ANO3: variants seen among roughly 807,000 people sequenced by gnomAD.
ANO3 encodes the protein anoctamin-3.
A neutral mutation model predicts 144.8 loss-of-function variants in ANO3; 99 were observed. That is an observed-to-expected ratio of 0.68 (90% CI 0.58 to 0.81). The LOEUF is 0.81. Ranked by LOEUF, ANO3 falls within the 30% of genes least tolerant of loss-of-function variation. ANO3 has a pLI of 0.00. For missense variants in ANO3, 905 were observed against 1,202.2 expected (o/e 0.75, Z 3.66); for synonymous variants, 414 against 392.6 (o/e 1.05, Z -0.64).
chr11:26,607,605 G>T lies in ANO3; in HGVS notation c.1836+7891G>T, dbSNP rs1203836939. Among the ~76,000 whole-genome samples the T allele has an allele frequency of 3.3e-5, 5 of 152,066 alleles. No homozygotes were observed. The East Asian group carries it at 9.6e-4, about 29-fold the overall frequency. ...GACATCCTTTCTAATATTGCCAGTG[G>T]GGTGTTAAGGCCTCCTACTATTATT... On this transcript the variant is annotated intron_variant, in intron 17 of 26. Transcript: ENST00000256737.
At chr11:26,537,854 C>T (rs1206149177) in intron 10 of ANO3, among the ~76,000 whole-genome samples, 1 of 152,178 alleles carries the variant, frequency 6.6e-6, no homozygotes, top group Non-Finnish European at 1.5e-5. Context: ...TAGCCAATTA[C>T]CTCCTCAATT....
intron 6 of ANO3, among the ~76,000 whole-genome samples, chr11:26,522,224 ACATT>A (rs1437369475): frequency 1.4e-4 from 21 of 151,732 alleles, no homozygotes; most frequent in Non-Finnish European, 2.2e-4. Flanking sequence ...CAAAAAAAAA[ACATT>A]AAGAGCAATC....
At chr11:26,237,129 C>T (rs149462202) in intron 1 of ANO3, among the ~76,000 whole-genome samples, 22 of 151,954 alleles carry the variant, frequency 1.4e-4, no homozygotes, top group Non-Finnish European at 2.6e-4. Context: ...GGAGTATTGT[C>T]AATGTTCTTA....
chr11:26,306,557 G>C (rs1443411654), upstream of ANO3, among the ~76,000 whole-genome samples: 1 of 152,056 alleles, frequency 6.6e-6, no homozygotes, highest in Non-Finnish European at 1.5e-5. Context: ...CCAGCTACTT[G>C]GGAGGCTGAG....
intron 14 of ANO3, among the ~76,000 whole-genome samples, chr11:26,579,830 G>A (rs1167119463): frequency 6.6e-6 from 1 of 152,050 alleles, no homozygotes; most frequent in African/African-American, 2.4e-5. Flanking sequence ...GGGCAGAGTC[G>A]AGTTCACTTT....
chr11:26,527,337 A>T (rs528466021), intron 7 of ANO3, among the ~76,000 whole-genome samples: 44 of 152,280 alleles, frequency 2.9e-4, no homozygotes, highest in African/African-American at 1.1e-3. Flanking sequence ...ATGAAAATTC[A>T]GTTATCATTT....
In ANO3 at chr11:26,256,763, T is replaced by C. The variant is rs556532654; in HGVS notation, c.155-52882T>C. On this transcript the variant is annotated intron_variant, in intron 1 of 27. Transcript: ENST00000672621. The stretch of plus-strand genomic sequence containing the variant: ...TTTCTGCCCCCTTTTTCTAAACTTC[T>C]ACTTTTACAGGGTAAATTTAAAATA... Among the ~76,000 whole-genome samples the C allele has an allele frequency of 7.2e-5, 11 of 152,282 alleles. No individual in the cohort carries two copies. In the South Asian group the frequency reaches 2.3e-3, roughly 32 times the overall value.
rs865914277 is a variant in ANO3, at chr11:26,613,695, G to A, written c.1837-10767G>A. Among the ~76,000 whole-genome samples the A allele has an allele frequency of 1.8e-4, 28 of 152,338 alleles. 1 individual carries two copies. Among genetic ancestry groups the A allele is most frequent in the Middle Eastern group, 3.4e-3 (1 of 294 alleles). ...CCAGAGGAGCTTTGGCTTTGGTTCTGAGTGGAGTCTCTAGTGTGATCTTCA... is the reference window on the plus strand; with the variant it reads ...CCAGAGGAGCTTTGGCTTTGGTTCTAAGTGGAGTCTCTAGTGTGATCTTCA... On this transcript the variant is annotated intron_variant, in intron 17 of 26. Transcript: ENST00000256737.
intron 1 of ANO3, among the ~76,000 whole-genome samples, chr11:26,295,267 C>A (rs989383758): frequency 6.6e-6 from 1 of 151,966 alleles, no homozygotes; most frequent in Non-Finnish European, 1.5e-5. Flanking sequence ...ATAATAAGGT[C>A]TTTGTTTTCC....
At chr11:26,547,787 A>C (rs1458234147) in intron 12 of ANO3, among the ~76,000 whole-genome samples, 1 of 151,992 alleles carries the variant, frequency 6.6e-6, no homozygotes, top group Non-Finnish European at 1.5e-5. Context: ...TTTATGTAAA[A>C]TTCCTCTTTC....
intron 12 of ANO3, among the ~76,000 whole-genome samples, chr11:26,552,112 T>G (rs1278225751): frequency 3.3e-5 from 5 of 152,028 alleles, no homozygotes; most frequent in Non-Finnish European, 7.4e-5. Flanking sequence ...AATTGAACAT[T>G]GTTTTTCTCT....
chr11:26,543,916 CAT>C (rs758625996), intron 11 of ANO3, among the ~76,000 whole-genome samples: 2 of 151,944 alleles, frequency 1.3e-5, no homozygotes, highest in Non-Finnish European at 2.9e-5. Flanking sequence ...TCACAATAAA[CAT>C]ACGCTTTTAA....
chr11:26,587,937 CAAAAAAAAAA>C (rs60752903), intron 14 of ANO3, among the ~76,000 whole-genome samples: 3 of 116,374 alleles, frequency 2.6e-5, no homozygotes, highest in African/African-American at 1.0e-4. Flanking sequence ...AACTCTGTCT[CAAAAAAAAAA>C]AAAAAAAAAA....
At chr11:26,622,276 A>T (rs2133001659) in intron 17 of ANO3, among the ~76,000 whole-genome samples, 1 of 152,158 alleles carries the variant, frequency 6.6e-6, no homozygotes, top group African/African-American at 2.4e-5. Flanking sequence ...TGCCATCCTA[A>T]GTTTGCAGAG....
chr11:26,551,671 A>G (rs191356705), intron 12 of ANO3, among the ~76,000 whole-genome samples: 1 of 152,046 alleles, frequency 6.6e-6, no homozygotes, highest in African/African-American at 2.4e-5. Context: ...CTAAAGCAGG[A>G]CAAATTGTAT....
At chr11:26,551,672 C>A (rs575236042) in intron 12 of ANO3, among the ~76,000 whole-genome samples, 13 of 152,000 alleles carry the variant, frequency 8.6e-5, no homozygotes, top group Admixed American at 2.6e-4. Context: ...TAAAGCAGGA[C>A]AAATTGTATC....
intron 17 of ANO3, among the ~76,000 whole-genome samples, chr11:26,624,147 G>A (rs1354287741): frequency 6.6e-6 from 1 of 152,150 alleles, no homozygotes; most frequent in East Asian, 1.9e-4. Context: ...ATGACTTTTA[G>A]GGACTTTTTC....
At chr11:26,215,701 C>T (rs1281778511) in intron 1 of ANO3, among the ~76,000 whole-genome samples, 3 of 136,876 alleles carry the variant, frequency 2.2e-5, no homozygotes, top group Non-Finnish European at 5.1e-5. Context: ...TGAATAATAA[C>T]CTGTATATAT....
intron 17 of ANO3, among the ~76,000 whole-genome samples, chr11:26,603,594 GT>G (rs973854650): frequency 6.6e-6 from 1 of 152,032 alleles, no homozygotes; most frequent in Non-Finnish European, 1.5e-5. Context: ...CTCTTTGAAT[GT>G]TATTTAAGAA....
Sources: allele counts gnomAD v4.1 joint callset (sites outside exome capture counted in the v4.1 genomes callset), GRCh38; gene constraint gnomAD v4.1.1; transcripts MANE v1.5; gene names NCBI Gene and HGNC (gene_info 2026-07-23, HGNC 2026-07-21).